Variants in ST3GAL2 observed in about 807,000 individuals in gnomAD.
ST3GAL2 encodes CMP-N-acetylneuraminate-beta-galactosamide-alpha-2,3-sialyltransferase 2.
A neutral mutation model predicts 37.5 loss-of-function variants in ST3GAL2; 16 were observed. That is an observed-to-expected ratio of 0.43 (90% CI 0.29 to 0.65). ST3GAL2 has a LOEUF of 0.65. Ranked by LOEUF, ST3GAL2 falls within the 30% of genes least tolerant of loss-of-function variation. The pLI is 0.17. For synonymous variants in ST3GAL2, 238 were observed against 202.9 expected (o/e 1.17, Z -1.47); for missense variants, 383 against 487.8 (o/e 0.79, Z 2.02).
At position 70,406,079 on chromosome 16, in the gene ST3GAL2, T is replaced by C. The variant is rs556175158; in HGVS notation, c.-1003-6546A>G. On this transcript the variant is annotated intron_variant, in intron 1 of 6. Transcript: ENST00000342907. Reference sequence around the variant, plus strand: ...CCGTCTCAAAAAAAAAAAAAGCCACTGACTTGTATGTTTCAAAGAGATGAA... The same window carrying C: ...CCGTCTCAAAAAAAAAAAAAGCCACCGACTTGTATGTTTCAAAGAGATGAA... Among the ~76,000 whole-genome samples, 4 of 148,116 alleles carry C rather than the reference T, an allele frequency of 2.7e-5. No individual in the cohort carries two copies. In the East Asian group the frequency reaches 8.0e-4, roughly 29 times the overall value.
intron 3 of ST3GAL2, among the ~76,000 whole-genome samples, chr16:70,393,305 C>G (rs2151661198): frequency 6.6e-6 from 1 of 152,164 alleles, no homozygotes; most frequent in African/African-American, 2.4e-5. Context: ...CTCGAACTCC[C>G]GACCTCAGGT....
intron 1 of ST3GAL2, among the ~76,000 whole-genome samples, chr16:70,431,471 C>A (rs763148826): frequency 6.6e-6 from 1 of 152,176 alleles, no homozygotes; most frequent in Non-Finnish European, 1.5e-5. Context: ...CCCAGGAGGA[C>A]GGGCCCCTTC....
intron 1 of ST3GAL2, among the ~76,000 whole-genome samples, chr16:70,401,994 C>CAAAAAA (rs749422742): frequency 3.8e-4 from 23 of 60,142 alleles, no homozygotes; most frequent in Non-Finnish European, 4.8e-4. Flanking sequence ...AACTCTGCCT[C>CAAAAAA]AAAAAAAAAA....
rs2047353928 is a variant in ST3GAL2, at chr16:70,377,131, C to T, written c.*4558G>A. ...CACTTGAATCCAGGAGTTTTTGAGG[C>T]TGCAGTGAGCTCTGCACCAGTCTGG... On this transcript the variant is annotated 3_prime_UTR_variant, in exon 7 of 7. Coordinates refer to ENST00000342907, the MANE Select transcript of ST3GAL2 (RefSeq NM_006927.4). 1.4e-5 allele frequency: 2 copies of T among 142,414 alleles called. No individual in the cohort carries two copies. Among genetic ancestry groups the T allele is most frequent in the Admixed American group, 1.5e-4 (2 of 13,468 alleles). The allele number at this position is 142,414 out of a possible 1,614,324, so 8.8% of individuals were successfully genotyped here. A position where few individuals can be genotyped will look rare whatever the true frequency, so the allele number is the denominator to read the frequency against.
intron 1 of ST3GAL2, among the ~76,000 whole-genome samples, chr16:70,435,829 T>A (rs899413867): frequency 6.6e-6 from 1 of 150,488 alleles, no homozygotes; most frequent in Non-Finnish European, 1.5e-5. Context: ...TAAAATAAAA[T>A]AAAAAAGACT....
chr16:70,400,569 TG>T (rs1159869038), intron 1 of ST3GAL2: 1 of 152,338 alleles, frequency 6.6e-6, no homozygotes, highest in Non-Finnish European at 1.5e-5. Flanking sequence ...TCTCAGGCTC[TG>T]TGTTCAAGAA....
chr16:70,401,994 C>CAA (rs749422742), intron 1 of ST3GAL2, among the ~76,000 whole-genome samples: 2,315 of 59,470 alleles, frequency 0.039, 97 homozygotes, highest in East Asian at 0.12. Flanking sequence ...AACTCTGCCT[C>CAA]AAAAAAAAAA....
chr16:70,404,451 A>G (rs1012219293), intron 1 of ST3GAL2, among the ~76,000 whole-genome samples: 3 of 152,174 alleles, frequency 2.0e-5, no homozygotes, highest in African/African-American at 2.4e-5. Context: ...AAGATGCTCA[A>G]CGTCATTAAT....
At chr16:70,434,640 C>T (rs117214761) in intron 1 of ST3GAL2, among the ~76,000 whole-genome samples, 2 of 152,180 alleles carry the variant, frequency 1.3e-5, no homozygotes, top group African/African-American at 4.8e-5. Context: ...TACAAAGCAG[C>T]GGCAACAACA....
chr16:70,388,668 T>G, intron 3 of ST3GAL2, 122 bp from the exon 4 acceptor site: 2 of 1,064,584 alleles, frequency 1.9e-6, no homozygotes, highest in Non-Finnish European at 2.7e-6. Context: ...ACCTAGCAAT[T>G]CCATTGCTAG....
intron 1 of ST3GAL2, among the ~76,000 whole-genome samples, chr16:70,417,517 G>A (rs2047684351): frequency 6.6e-6 from 1 of 152,246 alleles, no homozygotes; most frequent in South Asian, 2.1e-4. Context: ...GCAGAGCAGA[G>A]GCCTGACCTG....
intron 1 of ST3GAL2, among the ~76,000 whole-genome samples, chr16:70,428,827 C>T (rs2047768992): frequency 6.6e-6 from 1 of 152,208 alleles, no homozygotes; most frequent in African/African-American, 2.4e-5. Flanking sequence ...GCTGACCCAG[C>T]GCCTCCCAGA....
chr16:70,417,834 A>G (rs2047686397), intron 1 of ST3GAL2, among the ~76,000 whole-genome samples: 2 of 152,036 alleles, frequency 1.3e-5, no homozygotes, highest in South Asian at 2.1e-4. Flanking sequence ...GGGGAATGTT[A>G]GAAGTTCATC....
chr16:70,437,501 C>T lies in ST3GAL2; in HGVS notation c.-1004+1448G>A, dbSNP rs535065927. Among the ~76,000 whole-genome samples, 8 of 144,384 alleles carry T rather than the reference C, an allele frequency of 5.5e-5. No homozygotes were observed. The South Asian group carries it at 1.7e-3, about 31-fold the overall frequency. The allele number at this position is 144,384 out of a possible 152,430, so 94.7% of individuals were successfully genotyped here. ...AATGGATGACTATCCCCCTCTGCCC[C>T]CCCCGCAAAAAAAAAAAAATCTGAA... On this transcript the variant is annotated intron_variant, in intron 1 of 6. Transcript: ENST00000342907.
chr16:70,389,036 C>T (rs372988828), intron 3 of ST3GAL2, among the ~76,000 whole-genome samples: 21 of 141,534 alleles, frequency 1.5e-4, no homozygotes, highest in Middle Eastern at 3.8e-3. Context: ...ATCGCACCAC[C>T]GCACTCCAGC....
chr16:70,426,200 T>TTTTTTG (rs1567677310), intron 1 of ST3GAL2, among the ~76,000 whole-genome samples: 9 of 136,296 alleles, frequency 6.6e-5, no homozygotes, highest in African/African-American at 2.2e-4. Flanking sequence ...TTTTTTTTTT[T>TTTTTTG]TTTTTGTTTT....
chr16:70,408,890 CAAAA>C (rs59060353), intron 1 of ST3GAL2, among the ~76,000 whole-genome samples: 1,754 of 58,478 alleles, frequency 0.03, no homozygotes, highest in Middle Eastern at 0.065. Context: ...CTCAAAGAAA[CAAAA>C]AAAAAAAAAA....
chr16:70,398,856 T>C lies in ST3GAL2; in HGVS notation c.-326A>G, dbSNP rs1355540345. 2.0e-6 allele frequency: 1 copy of C among 499,234 alleles called. No homozygotes were observed. The highest frequency in any genetic ancestry group is 1.9e-5 in the African/African-American group (1 of 52,186). The allele number at this position is 499,234 out of a possible 1,614,324, so 30.9% of individuals were successfully genotyped here. ...GGGAGGTCAGTCCATTGCAGCCCTCTAGTCCCTTGGGATTGCTGGCTGCCA... is the reference window on the plus strand; with the variant it reads ...GGGAGGTCAGTCCATTGCAGCCCTCCAGTCCCTTGGGATTGCTGGCTGCCA... On this transcript the variant is annotated 5_prime_UTR_variant, in exon 2 of 7. Coordinates refer to ENST00000342907, the MANE Select transcript of ST3GAL2 (RefSeq NM_006927.4).
At chr16:70,401,544 C>G (rs2151665358) in intron 1 of ST3GAL2, among the ~76,000 whole-genome samples, 1 of 152,238 alleles carries the variant, frequency 6.6e-6, no homozygotes, top group South Asian at 2.1e-4. Context: ...TCAAAGGCCC[C>G]CAAACATGCA....
Sources: gnomAD v4.1 joint callset for allele counts (sites outside exome capture counted in the v4.1 genomes callset) on GRCh38, gnomAD v4.1.1 for gene constraint, MANE v1.5 for transcripts, NCBI Gene and HGNC (gene_info 2026-07-23, HGNC 2026-07-21) for gene names.